NDUFA10: variants seen among roughly 807,000 people sequenced by gnomAD.
The protein encoded by NDUFA10 is NADH dehydrogenase [ubiquinone] 1 alpha subcomplex subunit 10, mitochondrial.
A neutral mutation model predicts 47.8 loss-of-function variants in NDUFA10; 40 were observed. The observed-to-expected ratio is 0.84, with a 90% confidence interval of 0.65 to 1.09. NDUFA10 has a LOEUF of 1.09. NDUFA10 is among the 50% of genes least tolerant of loss of function. The pLI, the probability that NDUFA10 is intolerant of heterozygous loss-of-function variation, is 0.00. For synonymous variants in NDUFA10, 183 were observed against 172.2 expected (o/e 1.06, Z -0.49); for missense variants, 413 against 451.1 (o/e 0.92, Z 0.76).
chr2:239,967,046 C>T (rs1695101348), intron 9 of NDUFA10, among the ~76,000 whole-genome samples: 1 of 151,942 alleles, frequency 6.6e-6, no homozygotes, highest in Non-Finnish European at 1.5e-5. Flanking sequence ...CCAGTTTTCC[C>T]GTCATAAATA....
intron 4 of NDUFA10, among the ~76,000 whole-genome samples, chr2:239,947,544 G>A (rs748793155): frequency 5.9e-5 from 9 of 152,048 alleles, no homozygotes; most frequent in Non-Finnish European, 1.3e-4. Flanking sequence ...CCCTCTCTGC[G>A]CACCAGACAC....
At chr2:239,944,423 G>A (rs1486509286) in intron 4 of NDUFA10, among the ~76,000 whole-genome samples, 1 of 152,304 alleles carries the variant, frequency 6.6e-6, no homozygotes, top group Non-Finnish European at 1.5e-5. Context: ...TCTGGTCACG[G>A]CTCAGGCTGG....
At chr2:239,930,994 CA>C (rs969968064) in intron 4 of NDUFA10, among the ~76,000 whole-genome samples, 1 of 151,776 alleles carries the variant, frequency 6.6e-6, no homozygotes, top group African/African-American at 2.4e-5. Context: ...GGAGGGAGGT[CA>C]GGGGGCAGTA....
chr2:240,018,387 G>A, intron 4 of NDUFA10, 166 bp downstream of exon 4: 2 of 1,537,318 alleles, frequency 1.3e-6, no homozygotes, highest in Non-Finnish European at 1.8e-6. Flanking sequence ...AGAAAGGGTG[G>A]AAGATACTTA....
intron 8 of NDUFA10, among the ~76,000 whole-genome samples, chr2:239,991,100 G>A (rs1696227142): frequency 6.6e-6 from 1 of 152,128 alleles, no homozygotes; most frequent in African/African-American, 2.4e-5. Context: ...GGCCCACTGA[G>A]CAAACCCACG....
At chr2:239,947,055 G>A (rs550442531) in intron 4 of NDUFA10, among the ~76,000 whole-genome samples, 10 of 152,326 alleles carry the variant, frequency 6.6e-5, no homozygotes, top group African/African-American at 2.4e-4. Flanking sequence ...CCTCAGTCCT[G>A]AAGCCCGGTG....
chr2:240,020,394 G>A (rs1697571851), intron 3 of NDUFA10, among the ~76,000 whole-genome samples: 1 of 152,224 alleles, frequency 6.6e-6, no homozygotes, highest in South Asian at 2.1e-4. Flanking sequence ...CCTGTGAACT[G>A]AGGACCGCCG....
chr2:240,007,304 C>G lies in NDUFA10; in HGVS notation c.804+12G>C, dbSNP rs1318677453. On this transcript the variant is annotated intron_variant, in intron 7 of 9. Coordinates refer to ENST00000252711, the MANE Select transcript of NDUFA10 (RefSeq NM_004544.4). Reference sequence around the variant, plus strand: ...GTAGGAATAACTTTCAACTTTTCAACCATTTTCTTACCTTTTTTGAATCTT... The same window carrying G: ...GTAGGAATAACTTTCAACTTTTCAAGCATTTTCTTACCTTTTTTGAATCTT... 1.3e-6 allele frequency: 2 copies of G among 1,572,888 alleles called. No homozygotes were observed. The highest frequency in any genetic ancestry group is 1.7e-6 in the Non-Finnish European group (2 of 1,142,988).
At chr2:239,904,222 C>A (rs1003780291) in intron 4 of NDUFA10, among the ~76,000 whole-genome samples, 2 of 152,134 alleles carry the variant, frequency 1.3e-5, no homozygotes, top group Admixed American at 6.6e-5. Context: ...TGAAACTTCG[C>A]CCCGTACCCA....
intron 8 of NDUFA10, among the ~76,000 whole-genome samples, chr2:239,996,719 C>T (rs1227847219): frequency 6.6e-6 from 1 of 152,182 alleles, no homozygotes; most frequent in African/African-American, 2.4e-5. Context: ...GAAGCTTGTC[C>T]AACCCATGGC....
intron 8 of NDUFA10, among the ~76,000 whole-genome samples, chr2:239,999,001 G>A (rs1696595897): frequency 6.6e-6 from 1 of 152,214 alleles, no homozygotes; most frequent in Non-Finnish European, 1.5e-5. Context: ...TGCTGCACCA[G>A]GTAAGGACCA....
At chr2:240,019,711 T>C (rs1184941316) in intron 3 of NDUFA10, among the ~76,000 whole-genome samples, 1 of 77,010 alleles carries the variant, frequency 1.3e-5, no homozygotes, top group African/African-American at 5.2e-5. Flanking sequence ...CCCAGCTACT[T>C]GGGAGGCTGA....
chr2:239,993,615 C>T (rs1214451510), intron 8 of NDUFA10, among the ~76,000 whole-genome samples: 1 of 152,144 alleles, frequency 6.6e-6, no homozygotes, highest in Non-Finnish European at 1.5e-5. Flanking sequence ...AAAGAGAAAA[C>T]AGGGTCACTG....
chr2:239,967,621 G>C (rs1035264617), intron 9 of NDUFA10, among the ~76,000 whole-genome samples: 13 of 152,206 alleles, frequency 8.5e-5, no homozygotes, highest in Non-Finnish European at 1.8e-4. Flanking sequence ...CCACAGGTAC[G>C]AGGTCCTGTG....
At chr2:239,991,021 T>C (rs1696223600) in intron 8 of NDUFA10, among the ~76,000 whole-genome samples, 1 of 152,190 alleles carries the variant, frequency 6.6e-6, no homozygotes, top group South Asian at 2.1e-4. Context: ...ACGTTTCTCA[T>C]TTGTAATGGC....
At chr2:240,024,940 G>A (rs150201880) in intron 1 of NDUFA10, among the ~76,000 whole-genome samples, 1 of 150,154 alleles carries the variant, frequency 6.7e-6, no homozygotes, top group Non-Finnish European at 1.5e-5. Flanking sequence ...CCTGCCACCT[G>A]CACACGGGCC....
intron 4 of NDUFA10, among the ~76,000 whole-genome samples, chr2:239,943,674 T>C (rs1694398139): frequency 6.6e-6 from 1 of 152,188 alleles, no homozygotes; most frequent in Non-Finnish European, 1.5e-5. Flanking sequence ...CTTAGTCTCA[T>C]AAGAATGTGC....
chr2:239,903,985 A>T (rs140371847), intron 4 of NDUFA10, among the ~76,000 whole-genome samples: 1 of 152,314 alleles, frequency 6.6e-6, no homozygotes, highest in East Asian at 1.9e-4. Flanking sequence ...GGCAGCACAG[A>T]GTCCAGACGC....
intron 4 of NDUFA10, among the ~76,000 whole-genome samples, chr2:239,929,414 G>A (rs1420701099): frequency 6.6e-6 from 1 of 152,128 alleles, no homozygotes; most frequent in African/African-American, 2.4e-5. Flanking sequence ...TCCATAAAAA[G>A]GAAAAAATGA....
Sources: gnomAD v4.1 joint callset for allele counts (sites outside exome capture counted in the v4.1 genomes callset) on GRCh38, gnomAD v4.1.1 for gene constraint, MANE v1.5 for transcripts, NCBI Gene and HGNC (gene_info 2026-07-23, HGNC 2026-07-21) for gene names.